Variants in RASL10B observed in about 807,000 individuals in gnomAD.
RASL10B encodes RAS like family 10 member B, also known as ras-like protein family member 10B.
RASL10B carries 10 observed loss-of-function variants against 20.7 expected under a neutral mutation model. The observed-to-expected ratio is 0.48, with a 90% CI of 0.30 to 0.82. The LOEUF (loss-of-function observed/expected upper bound fraction) is 0.82. Ranked by LOEUF, RASL10B falls within the 40% of genes least tolerant of loss-of-function variation. RASL10B has a pLI of 0.07. For synonymous variants in RASL10B, 110 were observed against 123.3 expected (o/e 0.89, Z 0.72); for missense variants, 231 against 295.4 (o/e 0.78, Z 1.60).
In RASL10B at chr17:35,741,411, C is replaced by G. The variant is rs587755793; in HGVS notation, c.*106C>G. 2.2e-6 allele frequency: 3 copies of G among 1,347,472 alleles called. No homozygotes were observed. Among genetic ancestry groups the G allele is most frequent in the Non-Finnish European group, 1.9e-6 (2 of 1,050,144 alleles). The allele number at this position is 1,347,472 out of a possible 1,614,324, so 83.5% of individuals were successfully genotyped here. The stretch of plus-strand genomic sequence containing the variant: ...GCGGGAAATGGAACTGTGACGGTCC[C>G]GGCCTGAGGCCCCTGCAGCCACGCA... On this transcript the variant is annotated 3_prime_UTR_variant, in exon 4 of 4. Transcript: ENST00000603017.
chr17:35,736,057 T>G (rs1269293440), intron 2 of RASL10B, among the ~76,000 whole-genome samples: 1 of 152,166 alleles, frequency 6.6e-6, no homozygotes, highest in Non-Finnish European at 1.5e-5. Flanking sequence ...AGTGATGCTC[T>G]GCCCCTGACC....
intron 1 of RASL10B, among the ~76,000 whole-genome samples, chr17:35,733,747 G>C (rs1555596675): frequency 2.6e-5 from 4 of 152,214 alleles, no homozygotes; most frequent in Non-Finnish European, 1.5e-5. Context: ...CTGGCTAAGA[G>C]ATTTACTTGG....
intron 2 of RASL10B, 123 bp from the exon 3 acceptor site, chr17:35,740,286 C>A: frequency 7.8e-7 from 1 of 1,276,778 alleles, no homozygotes; most frequent in Non-Finnish European, 1.1e-6. Context: ...TGGGGATGGT[C>A]GGGTATGGAA....
intron 1 of RASL10B, among the ~76,000 whole-genome samples, chr17:35,734,417 T>C (rs1174666128): frequency 6.6e-6 from 1 of 152,110 alleles, no homozygotes; most frequent in Non-Finnish European, 1.5e-5. Context: ...AGGATAACCA[T>C]ATGGGCATGC....
chr17:35,742,751 A>T lies in RASL10B; in HGVS notation c.*1446A>T, dbSNP rs1555598216. 1 of 152,386 alleles carries T rather than the reference A, an allele frequency of 6.6e-6. No homozygotes were observed. The highest frequency in any genetic ancestry group is 1.5e-5 in the Non-Finnish European group (1 of 68,074). 9.4% of individuals were successfully genotyped at this position (152,386 alleles called of 1,614,324 possible). ...CTCAGCCCTGGCCTGGTGGGGGGAC[A>T]GCAAGGTCCCTTGTTATAAGAGGGG... On this transcript the variant is annotated 3_prime_UTR_variant, in exon 4 of 4. Coordinates refer to ENST00000603017, the MANE Select transcript of RASL10B (RefSeq NM_033315.4).
intron 2 of RASL10B, chr17:35,736,987 C>G: frequency 6.6e-6 from 1 of 152,206 alleles, no homozygotes; most frequent in East Asian, 1.9e-4. Flanking sequence ...CTCCTGACCT[C>G]AAGTGATCCG....
At chr17:35,736,388 G>A (rs1390814550) in intron 2 of RASL10B, among the ~76,000 whole-genome samples, 1 of 152,250 alleles carries the variant, frequency 6.6e-6, no homozygotes, top group African/African-American at 2.4e-5. Context: ...GAGACCCTGG[G>A]CTGGGAGATG....
Position 35,735,251 on chromosome 17 carries a change from C to T in RASL10B, c.67C>T (p.Gln23Ter). 6.2e-7 allele frequency: 1 copy of T among 1,613,740 alleles called. No homozygotes were observed. The highest frequency in any genetic ancestry group is 8.5e-7 in the Non-Finnish European group (1 of 1,180,016). Residue 23 changes from glutamine to a stop codon, truncating the protein, a stop_gained, in exon 2 of 4, where the codon CAG becomes TAG. Coordinates refer to ENST00000603017, the MANE Select transcript of RASL10B (RefSeq NM_033315.4). LOFTEE classifies it high-confidence loss of function. This position sits in a 1 kb window ranked among gnomAD's most constrained non-coding sequence, Gnocchi z 6.7. ...TGTGGGCAAGAGTGCCATCGTGCGC[C>T]AGTTCTTGTACAACGAGTTCAGCGA... The part of the protein sequence containing the change: ...RGVGKSAIVR[Q>*]FLYNEFSEVC...
At chr17:35,737,221 G>A (rs1481982283) in intron 2 of RASL10B, 1 of 152,188 alleles carries the variant, frequency 6.6e-6, no homozygotes, top group Non-Finnish European at 1.5e-5. Context: ...TACCTAAGCT[G>A]ATCTCGAACT....
chr17:35,741,273 G>C lies in RASL10B; in HGVS notation c.580G>C (p.Ala194Pro), dbSNP rs149061235. The C allele has an allele frequency of 6.5e-7, 1 of 1,535,728 alleles. No homozygotes were observed. Among genetic ancestry groups the C allele is most frequent in the Non-Finnish European group, 8.8e-7 (1 of 1,138,912 alleles). ...HVHAALRFQG[A>P]LRRNRCAIM ...GCACGCTGCCCTGCGCTTCCAGGGC[G>C]CGCTGCGCCGCAACCGCTGCGCCAT... The change falls in exon 4 of 4, where the codon GCG becomes CCG. Residue 194 changes from alanine (A) to proline (P), a missense_variant. Ala to Pro is a conservative substitution (Grantham distance 27). Transcript: ENST00000603017.
chr17:35,739,854 G>C (rs887643499), intron 2 of RASL10B, among the ~76,000 whole-genome samples: 3 of 152,190 alleles, frequency 2.0e-5, no homozygotes, highest in Non-Finnish European at 4.4e-5. Flanking sequence ...GCCTGGCTGT[G>C]GCCTTCTCAG....
Position 35,734,178 on chromosome 17 carries a change from C to T in RASL10B, c.-147-860C>T, listed in dbSNP as rs1039762869. Among the ~76,000 whole-genome samples, 5 of 152,096 alleles carry T rather than the reference C, an allele frequency of 3.3e-5. No individual in the cohort carries two copies. The East Asian group carries it at 5.8e-4, about 18-fold the overall frequency. Reference sequence around the variant, plus strand: ...GCAGGTGCCTGTAATCCCAGCTACTCGGGAGGCTGAGGCAGGAAAATGGCT... The same window carrying T: ...GCAGGTGCCTGTAATCCCAGCTACTTGGGAGGCTGAGGCAGGAAAATGGCT... On this transcript the variant is annotated intron_variant, in intron 1 of 3. Transcript: ENST00000603017.
chr17:35,732,810 C>T (rs2085566558), intron 1 of RASL10B, among the ~76,000 whole-genome samples: 1 of 152,124 alleles, frequency 6.6e-6, no homozygotes, highest in Non-Finnish European at 1.5e-5. Flanking sequence ...TCTCTTCCTC[C>T]CCTAGGACTC....
intron 2 of RASL10B, chr17:35,737,189 G>T (rs2085598527): frequency 6.6e-6 from 1 of 152,096 alleles, no homozygotes; most frequent in Non-Finnish European, 1.5e-5. Context: ...AAAATTTTTT[G>T]TATAGATGGG....
At chr17:35,739,972 G>A (rs1555597672) in intron 2 of RASL10B, among the ~76,000 whole-genome samples, 1 of 152,236 alleles carries the variant, frequency 6.6e-6, no homozygotes, top group African/African-American at 2.4e-5. Context: ...CTGCTTGCAG[G>A]AAGGATGGGA....
At chr17:35,740,620 A>G in intron 3 of RASL10B, 87 bp downstream of exon 3, 1 of 1,458,442 alleles carries the variant, frequency 6.9e-7, no homozygotes, top group Non-Finnish European at 9.4e-7. Context: ...GTATAGGGAC[A>G]CAGATAGAGG....
Position 35,741,424 on chromosome 17 carries a change from C to T in RASL10B, c.*119C>T. 2 of 1,318,908 alleles carry T rather than the reference C, an allele frequency of 1.5e-6. No individual in the cohort carries two copies. Among genetic ancestry groups the T allele is most frequent in the African/African-American group, 3.1e-5 (2 of 64,236 alleles). The allele number at this position is 1,318,908 out of a possible 1,614,324, so 81.7% of individuals were successfully genotyped here. A position where few individuals can be genotyped will look rare whatever the true frequency, so the allele number is the denominator to read the frequency against. ...CTGTGACGGTCCCGGCCTGAGGCCC[C>T]TGCAGCCACGCACCTCCCGGTGAGA... On this transcript the variant is annotated 3_prime_UTR_variant, in exon 4 of 4. Transcript: ENST00000603017.
rs368239607 is a variant in RASL10B, at chr17:35,733,028, G to A, written c.-148+1150G>A. Among the ~76,000 whole-genome samples the A allele has an allele frequency of 1.7e-4, 26 of 152,214 alleles. 1 individual carries two copies. The highest frequency in any genetic ancestry group is 6.0e-4 in the African/African-American group (25 of 41,450). On this transcript the variant is annotated intron_variant, in intron 1 of 3. Transcript: ENST00000603017. Reference sequence around the variant, plus strand: ...GAAGGGACACTGCATGGGGCAGGAAGGAGTTCAGGGTCCTAATCTTAGTTA... The same window carrying A: ...GAAGGGACACTGCATGGGGCAGGAAAGAGTTCAGGGTCCTAATCTTAGTTA...
chr17:35,737,328 TTGC>T, intron 2 of RASL10B, among the ~76,000 whole-genome samples: 1 of 152,172 alleles, frequency 6.6e-6, no homozygotes, highest in East Asian at 1.9e-4. Context: ...TTTTTTTAAC[TTGC>T]TATTATAACC....
Sources: gnomAD v4.1 joint callset for allele counts (sites outside exome capture counted in the v4.1 genomes callset) on GRCh38, gnomAD v4.1.1 for gene constraint, Gnocchi (gnomAD v3.1) non-coding constraint, MANE v1.5 for transcripts, NCBI Gene and HGNC (gene_info 2026-07-23, HGNC 2026-07-21) for gene names.